Variants in CNTN4 observed in about 807,000 individuals in gnomAD.
The protein encoded by CNTN4 is contactin 4.
CNTN4 carries 77 observed loss-of-function variants against 122.5 expected under a neutral mutation model. The ratio of observed to expected loss-of-function variants is 0.63; its 90% confidence interval spans 0.52 to 0.76. CNTN4 has a LOEUF of 0.76. Ranked by LOEUF, CNTN4 falls within the 30% of genes least tolerant of loss-of-function variation. The pLI is 0.00. For missense variants in CNTN4, 1,256 were observed against 1,259.1 expected, an observed-to-expected ratio of 1.00 and a Z score of 0.04; for synonymous variants, 512 against 447.0, an observed-to-expected ratio of 1.15 and a Z score of -1.83.
At position 2,986,698 on chromosome 3, in the gene CNTN4, A is replaced by T. The variant is rs17595976; in HGVS notation, c.1359-1647A>T. Among the ~76,000 whole-genome samples, 9 of 152,288 alleles carry T rather than the reference A, an allele frequency of 5.9e-5. 1 individual carries two copies. The highest frequency in any genetic ancestry group is 1.3e-4 in the Admixed American group (2 of 15,302). On this transcript the variant is annotated intron_variant, in intron 13 of 24. Coordinates refer to ENST00000418658, the MANE Select transcript of CNTN4 (RefSeq NM_175607.3). ...TCAGATATTTGAAAGGACTCTGTTA[A>T]GTATAGCACTAGTGCCAAGTGGTTC...
At chr3:2,675,834 C>G (rs1314015637) in intron 4 of CNTN4, among the ~76,000 whole-genome samples, 2 of 152,136 alleles carry the variant, frequency 1.3e-5, no homozygotes, top group East Asian at 3.9e-4. Context: ...ACTGCTAAGC[C>G]TAATATGTCT....
At chr3:3,007,332 T>A (rs1452087118) in intron 14 of CNTN4, among the ~76,000 whole-genome samples, 1 of 152,186 alleles carries the variant, frequency 6.6e-6, no homozygotes, top group East Asian at 1.9e-4. Flanking sequence ...TAACTTGTAC[T>A]TTATCAAGGA....
chr3:2,896,215 A>C (rs1311160473), intron 10 of CNTN4, among the ~76,000 whole-genome samples: 1 of 152,080 alleles, frequency 6.6e-6, no homozygotes, highest in Non-Finnish European at 1.5e-5. Flanking sequence ...TATGTTTCTC[A>C]AGGTACTTTT....
chr3:2,157,509 G>GA (rs1247105224), intron 2 of CNTN4, among the ~76,000 whole-genome samples: 6 of 151,958 alleles, frequency 3.9e-5, no homozygotes, highest in African/African-American at 1.2e-4. Context: ...AAATAAAAGT[G>GA]AAAAAAATGA....
intron 2 of CNTN4, among the ~76,000 whole-genome samples, chr3:2,324,941 C>G (rs1442253729): frequency 2.6e-5 from 4 of 152,128 alleles, no homozygotes; most frequent in Non-Finnish European, 5.9e-5. Flanking sequence ...AATCTTCCCC[C>G]CAGTTTTTCA....
In CNTN4 at chr3:3,056,182, A is replaced by G; in HGVS notation, c.3043A>G (p.Thr1015Ala). The G allele has an allele frequency of 6.2e-7, 1 of 1,614,176 alleles. No homozygotes were observed. Among genetic ancestry groups the G allele is most frequent in the Non-Finnish European group, 8.5e-7 (1 of 1,179,980 alleles). ...SNACTLSAISTIMISLTARSS... is the reference protein window; with the variant it reads ...SNACTLSAISAIMISLTARSS... ...TGCATGTACGCTGTCAGCCATCAGT[A>G]CAATAATGATTTCCCTCACAGCTAG... Residue 1015 changes from threonine (T) to alanine (A), a missense_variant, in exon 25 of 25, where the codon ACA becomes GCA. Transcript: ENST00000418658.
At chr3:3,018,070 G>C (rs979346196) in intron 14 of CNTN4, among the ~76,000 whole-genome samples, 25 of 152,162 alleles carry the variant, frequency 1.6e-4, no homozygotes, top group African/African-American at 6.0e-4. Context: ...TGTTTTGATA[G>C]CTCCTTCAAA....
chr3:2,207,535 G>A (rs556470322), intron 2 of CNTN4, among the ~76,000 whole-genome samples: 8 of 152,198 alleles, frequency 5.3e-5, no homozygotes, highest in Admixed American at 1.3e-4. Flanking sequence ...CAACCACAAC[G>A]TTCCCTTAAA....
intron 14 of CNTN4, among the ~76,000 whole-genome samples, chr3:3,009,725 G>A (rs895561747): frequency 1.3e-5 from 2 of 152,264 alleles, no homozygotes; most frequent in African/African-American, 4.8e-5. Flanking sequence ...GAGCCACCGC[G>A]CCCGGCCAGC....
intron 4 of CNTN4, among the ~76,000 whole-genome samples, chr3:2,734,939 C>T (rs2088970806): frequency 6.6e-6 from 1 of 152,090 alleles, no homozygotes; most frequent in African/African-American, 2.4e-5. Context: ...TCTTAAAACT[C>T]ATCAGGCAGT....
At chr3:2,572,266 A>G (rs1286667597) in intron 4 of CNTN4, among the ~76,000 whole-genome samples, 1 of 152,116 alleles carries the variant, frequency 6.6e-6, no homozygotes, top group Non-Finnish European at 1.5e-5. Flanking sequence ...CATGCCTGTA[A>G]TCCCAGCTAC....
At chr3:2,240,946 G>A (rs1473771495) in intron 2 of CNTN4, among the ~76,000 whole-genome samples, 1 of 151,960 alleles carries the variant, frequency 6.6e-6, no homozygotes, top group African/African-American at 2.4e-5. Context: ...TTGAATATTT[G>A]TAGTAAGGTT....
At chr3:2,525,468 A>G (rs1001397052) in intron 3 of CNTN4, among the ~76,000 whole-genome samples, 3 of 152,150 alleles carry the variant, frequency 2.0e-5, no homozygotes, top group African/African-American at 7.2e-5. Flanking sequence ...TATCTGTGAA[A>G]GGCATAGATG....
intron 3 of CNTN4, among the ~76,000 whole-genome samples, chr3:2,512,027 G>C (rs765837431): frequency 2.0e-5 from 3 of 152,146 alleles, no homozygotes; most frequent in Non-Finnish European, 2.9e-5. Context: ...CAAGAAAAAT[G>C]TAAGTAAAAC....
chr3:2,162,439 A>C (rs900951508), intron 2 of CNTN4, among the ~76,000 whole-genome samples: 1 of 152,148 alleles, frequency 6.6e-6, no homozygotes, highest in Non-Finnish European at 1.5e-5. Flanking sequence ...TGTTTTTGAG[A>C]TCTTTATTTC....
At chr3:2,153,325 G>GCCC (rs1278750051) in intron 2 of CNTN4, among the ~76,000 whole-genome samples, 84 of 152,320 alleles carry the variant, frequency 5.5e-4, no homozygotes, top group African/African-American at 2.0e-3. Context: ...AGCAACCCAT[G>GCCC]AGGAGGAAGG....
chr3:2,846,445 T>C (rs1178386448), intron 7 of CNTN4, among the ~76,000 whole-genome samples: 2 of 152,184 alleles, frequency 1.3e-5, no homozygotes, highest in East Asian at 1.9e-4. Context: ...TCCCCAGCCA[T>C]GCAGGATGGT....
chr3:2,190,146 C>G (rs2037459485), intron 2 of CNTN4, among the ~76,000 whole-genome samples: 1 of 152,184 alleles, frequency 6.6e-6, no homozygotes, highest in Admixed American at 6.5e-5. Flanking sequence ...CTGCCCAACT[C>G]TAACCTTTGC....
chr3:2,384,911 C>CT (rs1348903155), intron 3 of CNTN4, among the ~76,000 whole-genome samples: 17 of 151,636 alleles, frequency 1.1e-4, no homozygotes, highest in African/African-American at 2.9e-4. Flanking sequence ...AAGCAATATT[C>CT]TTTTTTAAAA....
Sources: allele counts gnomAD v4.1 joint callset (sites outside exome capture counted in the v4.1 genomes callset), GRCh38; gene constraint gnomAD v4.1.1; transcripts MANE v1.5; gene names NCBI Gene and HGNC (gene_info 2026-07-23, HGNC 2026-07-21).